Variants in RBFOX1 observed in about 807,000 individuals in gnomAD.
The protein encoded by RBFOX1 is RNA binding protein fox-1 homolog 1.
Under a neutral mutation model 57.7 loss-of-function variants are expected in RBFOX1, and 8 were observed. The observed-to-expected ratio is 0.14, with a 90% CI of 0.08 to 0.25. RBFOX1 has a LOEUF of 0.25. RBFOX1 is among the 10% of genes least tolerant of loss of function. RBFOX1 has a pLI of 1.00. For synonymous variants in RBFOX1, 326 were observed against 222.4 expected (o/e 1.47, Z -4.15); for missense variants, 611 against 548.5 (o/e 1.11, Z -1.14).
chr16:5,438,496 A>G lies in RBFOX1; in HGVS notation c.220-28720A>G, dbSNP rs553766247. Reference sequence around the variant, plus strand: ...GAGCCTGAAAGGGCCCAGCATTCCAACTGAGTTATCCTGATCTCACCAGAT... The same window carrying G: ...GAGCCTGAAAGGGCCCAGCATTCCAGCTGAGTTATCCTGATCTCACCAGAT... On this transcript the variant is annotated intron_variant, in intron 1 of 2. Coordinates refer to the RBFOX1 transcript ENST00000585867. 3.3e-5 allele frequency among the ~76,000 whole-genome samples: 5 copies of G among 152,296 alleles called. No homozygotes were observed. In the East Asian group the frequency reaches 9.6e-4, roughly 29 times the overall value.
intron 14 of RBFOX1, among the ~76,000 whole-genome samples, chr16:7,708,265 C>G (rs1360153299): frequency 6.6e-6 from 1 of 152,122 alleles, no homozygotes; most frequent in Non-Finnish European, 1.5e-5. Context: ...AAGTTAACTT[C>G]CAGATATTTA....
At chr16:6,269,095 G>A (rs935977433) in intron 1 of RBFOX1, among the ~76,000 whole-genome samples, 4 of 152,092 alleles carry the variant, frequency 2.6e-5, no homozygotes, top group Non-Finnish European at 4.4e-5. Context: ...TAAATGCTAC[G>A]TAAGCTATGT....
chr16:5,890,439 C>G (rs538661457), intron 4 of RBFOX1, among the ~76,000 whole-genome samples: 2 of 152,242 alleles, frequency 1.3e-5, no homozygotes, highest in African/African-American at 4.8e-5. Context: ...TGGCTCATGC[C>G]TGTAATCCCA....
At chr16:7,527,832 C>G (rs998551459) in intron 5 of RBFOX1, among the ~76,000 whole-genome samples, 1 of 152,130 alleles carries the variant, frequency 6.6e-6, no homozygotes, top group African/African-American at 2.4e-5. Context: ...GAGCGGTCTC[C>G]TTGGTTCCGA....
intron 5 of RBFOX1, among the ~76,000 whole-genome samples, chr16:7,540,419 C>CT (rs1346454341): frequency 2.0e-5 from 3 of 152,188 alleles, no homozygotes; most frequent in Non-Finnish European, 2.9e-5. Context: ...CCATGCAAGA[C>CT]TTGGCAAGTA....
intron 2 of RBFOX1, among the ~76,000 whole-genome samples, chr16:5,501,090 C>G (rs145414827): frequency 6.6e-6 from 1 of 151,892 alleles, no homozygotes; most frequent in Non-Finnish European, 1.5e-5. Flanking sequence ...CCGAGGTGGG[C>G]GGGTCACCTG....
rs142327495 is a variant in RBFOX1 at position 5,855,169 on chromosome 16, C to T, written c.319-12134C>T. On this transcript the variant is annotated intron_variant, in intron 3 of 19. Coordinates refer to the RBFOX1 transcript ENST00000641259. ...AGTTTAGAAGTATTTTCTCCCACTC[C>T]GTAGGTTGCTATTTTGTTCTGTTTG... is the stretch of plus-strand genomic sequence containing the variant. Among the ~76,000 whole-genome samples the T allele has an allele frequency of 5.6e-3, 852 of 152,210 alleles. 2 individuals carry two copies. Among genetic ancestry groups the T allele is most frequent in the Middle Eastern group, 0.014 (4 of 294 alleles).
intron 1 of RBFOX1, among the ~76,000 whole-genome samples, chr16:5,343,845 A>G (rs1596587778): frequency 1.3e-5 from 2 of 152,194 alleles, no homozygotes; most frequent in Admixed American, 6.5e-5. Flanking sequence ...ACCTTTATGT[A>G]TTACTAAATA....
At chr16:6,815,841 A>G (rs986446959) in intron 3 of RBFOX1, among the ~76,000 whole-genome samples, 1 of 152,200 alleles carries the variant, frequency 6.6e-6, no homozygotes, top group African/African-American at 2.4e-5. Context: ...CTTAATTCTC[A>G]CAACATTTGT....
chr16:5,467,954 G>C (rs1402923405), intron 2 of RBFOX1, among the ~76,000 whole-genome samples: 1 of 152,176 alleles, frequency 6.6e-6, no homozygotes, highest in East Asian at 1.9e-4. Flanking sequence ...GGATTGGAGA[G>C]GATTGCATGG....
intron 4 of RBFOX1, among the ~76,000 whole-genome samples, chr16:5,956,518 C>G (rs150137838): frequency 2.0e-5 from 3 of 151,414 alleles, no homozygotes; most frequent in African/African-American, 7.3e-5. Flanking sequence ...ATGCAAATCA[C>G]TGGGCTTCCT....
chr16:6,869,941 G>A (rs147167604), intron 3 of RBFOX1, among the ~76,000 whole-genome samples: 69 of 152,192 alleles, frequency 4.5e-4, no homozygotes, highest in African/African-American at 1.6e-3. Flanking sequence ...CAGCGTCTTG[G>A]GGACTGCTTA....
At chr16:7,392,592 T>G (rs1373976555) in intron 4 of RBFOX1, among the ~76,000 whole-genome samples, 1 of 152,184 alleles carries the variant, frequency 6.6e-6, no homozygotes, top group Non-Finnish European at 1.5e-5. Context: ...TGATGGCCCC[T>G]CCTTCTTCTT....
At chr16:7,537,934 C>T (rs1420948714) in intron 5 of RBFOX1, among the ~76,000 whole-genome samples, 1 of 152,198 alleles carries the variant, frequency 6.6e-6, no homozygotes, top group African/African-American at 2.4e-5. Context: ...GCCTTTTGGG[C>T]ATTGATCCCA....
intron 2 of RBFOX1, among the ~76,000 whole-genome samples, chr16:6,589,346 A>G (rs2097677452): frequency 6.6e-6 from 1 of 152,188 alleles, no homozygotes; most frequent in African/African-American, 2.4e-5. Flanking sequence ...GCGTGTTGTT[A>G]TTACTCAAAT....
At chr16:6,520,773 T>A (rs1052725103) in intron 2 of RBFOX1, among the ~76,000 whole-genome samples, 3 of 152,154 alleles carry the variant, frequency 2.0e-5, no homozygotes, top group Non-Finnish European at 2.9e-5. Context: ...TTGATTTGGT[T>A]ATACCAAGCC....
chr16:5,454,797 TTC>T (rs768939690), intron 1 of RBFOX1, among the ~76,000 whole-genome samples: 4 of 151,518 alleles, frequency 2.6e-5, no homozygotes, highest in Non-Finnish European at 5.9e-5. Flanking sequence ...TTCTCTTTCT[TTC>T]TTTCTTTCCC....
At chr16:7,132,924 G>C (rs2070913210) in intron 4 of RBFOX1, among the ~76,000 whole-genome samples, 1 of 152,096 alleles carries the variant, frequency 6.6e-6, no homozygotes, top group African/African-American at 2.4e-5. Context: ...CATTTTAACA[G>C]GATACATTTT....
intron 1 of RBFOX1, among the ~76,000 whole-genome samples, chr16:6,125,003 G>T (rs1425992421): frequency 6.6e-6 from 1 of 152,100 alleles, no homozygotes; most frequent in Admixed American, 6.5e-5. Flanking sequence ...CGCTTTGGAA[G>T]CCTCCAACCC....
Sources: allele counts gnomAD v4.1 joint callset (sites outside exome capture counted in the v4.1 genomes callset), GRCh38; gene constraint gnomAD v4.1.1; transcripts MANE v1.5; gene names NCBI Gene and HGNC (gene_info 2026-07-23, HGNC 2026-07-21).